The following TTC17 variants were observed in gnomAD, a reference collection of about 807,000 sequenced individuals.
The protein encoded by TTC17 is tetratricopeptide repeat domain 17.
In TTC17, 58 loss-of-function variants were observed where a neutral mutation model predicts 143.8. The ratio of observed to expected loss-of-function variants is 0.40; its 90% CI spans 0.33 to 0.50. TTC17 has a LOEUF of 0.50. TTC17 is among the 20% of genes least tolerant of loss of function. The probability of loss-of-function intolerance (pLI) is 0.49; values close to 1 mark genes in which losing one functional copy is unlikely to be tolerated. For missense variants in TTC17, 1,273 were observed against 1,392.5 expected, an observed-to-expected ratio of 0.91 and a Z score of 1.37; for synonymous variants, 501 against 497.8, an observed-to-expected ratio of 1.01 and a Z score of -0.09.
chr11:43,376,619 T>C (rs550114630), intron 1 of TTC17, among the ~76,000 whole-genome samples: 1 of 152,314 alleles, frequency 6.6e-6, no homozygotes, highest in East Asian at 1.9e-4. Context: ...TACAGCAGCC[T>C]CTTTTCAATG....
At chr11:43,446,675 T>C in intron 18 of TTC17, 5 of 985,184 alleles carry the variant, frequency 5.1e-6, no homozygotes, top group Non-Finnish European at 6.0e-6. Flanking sequence ...CAAACAGTTT[T>C]CTACTGTTCG....
chr11:43,393,785 G>A (rs1041374797), intron 5 of TTC17, among the ~76,000 whole-genome samples: 7 of 152,170 alleles, frequency 4.6e-5, no homozygotes, highest in African/African-American at 1.7e-4. Flanking sequence ...AGGTTTGTGT[G>A]TCAGGAACTA....
chr11:43,414,452 G>A, intron 15 of TTC17, 138 bp from the exon 16 acceptor site: 1 of 815,436 alleles, frequency 1.2e-6, no homozygotes, highest in Non-Finnish European at 1.9e-6. Context: ...GAATTGGCTG[G>A]TATGAATAAA....
intron 21 of TTC17, among the ~76,000 whole-genome samples, chr11:43,466,222 C>T (rs761352652): frequency 3.9e-5 from 6 of 152,080 alleles, no homozygotes; most frequent in East Asian, 1.9e-4. Flanking sequence ...CAAACCACAA[C>T]GAGATATCAT....
chr11:43,445,787 T>C (rs1285199102), intron 18 of TTC17: 1 of 596,934 alleles, frequency 1.7e-6, no homozygotes, highest in African/African-American at 1.8e-5. Context: ...ATCAGCTTCA[T>C]GATGAATCCT....
At chr11:43,476,580 A>C (rs1948187930) in intron 21 of TTC17, among the ~76,000 whole-genome samples, 2 of 152,194 alleles carry the variant, frequency 1.3e-5, no homozygotes, top group African/African-American at 2.4e-5. Context: ...GCTCAACACC[A>C]CATGGAAGCT....
intron 8 of TTC17, among the ~76,000 whole-genome samples, chr11:43,398,672 A>G (rs1488805478): frequency 1.3e-5 from 2 of 152,210 alleles, no homozygotes; most frequent in East Asian, 3.8e-4. Flanking sequence ...TTGAGGTATA[A>G]TAAGTTAAAA....
At chr11:43,398,899 T>C (rs1466204836) in intron 8 of TTC17, among the ~76,000 whole-genome samples, 2 of 152,246 alleles carry the variant, frequency 1.3e-5, no homozygotes, top group African/African-American at 2.4e-5. Context: ...AGCTTGCTTA[T>C]TCATAACTGG....
intron 21 of TTC17, among the ~76,000 whole-genome samples, chr11:43,471,080 T>G (rs1948083382): frequency 6.6e-6 from 1 of 152,158 alleles, no homozygotes; most frequent in Non-Finnish European, 1.5e-5. Flanking sequence ...AGACTCTATT[T>G]TAGGATTAAA....
At chr11:43,443,183 G>A (rs1947460606) in intron 16 of TTC17, 142 bp from the exon 17 acceptor site, 3 of 952,874 alleles carry the variant, frequency 3.1e-6, no homozygotes, top group Non-Finnish European at 4.5e-6. Context: ...TGAAGATGCT[G>A]AATGGAATTT....
At chr11:43,359,147 C>A (rs758295322) in intron 1 of TTC17, 34 bp downstream of exon 1, 4 of 1,541,808 alleles carry the variant, frequency 2.6e-6, no homozygotes, top group African/African-American at 2.8e-5. Flanking sequence ...CTCCCGTGCC[C>A]GCCCTCGCCC....
At chr11:43,442,059 A>G (rs886730978) in intron 16 of TTC17, among the ~76,000 whole-genome samples, 1 of 152,170 alleles carries the variant, frequency 6.6e-6, no homozygotes, top group African/African-American at 2.4e-5. Flanking sequence ...CTCCCGCGTT[A>G]TATTGTGTAG....
intron 1 of TTC17, among the ~76,000 whole-genome samples, chr11:43,368,253 T>C (rs566886438): frequency 1.3e-5 from 2 of 152,324 alleles, no homozygotes; most frequent in East Asian, 1.9e-4. Context: ...GTACCATTTA[T>C]ATTCTAAAGA....
rs1947247541 is a variant in TTC17, at chr11:43,434,767, C to T, written c.2252-8558C>T. Among the ~76,000 whole-genome samples, 6 of 152,288 alleles carry T rather than the reference C, an allele frequency of 3.9e-5. No homozygotes were observed. In the South Asian group the frequency reaches 1.2e-3, roughly 32 times the overall value. ...TTTGTCGATTTCTTGAGAGCTAAAA[C>T]TCTTAAAACAAAGAATCCTCAATTT... On this transcript the variant is annotated intron_variant, in intron 16 of 23. Transcript: ENST00000039989.
In TTC17 at chr11:43,425,796, T is replaced by C. The variant is rs528302588; in HGVS notation, c.2251+11020T>C. ...ATCTGTTACTAACCAGCAAAGTATA[T>C]TTAATTATTATCTCAAAGATGCAGG... is the stretch of plus-strand genomic sequence containing the variant. On this transcript the variant is annotated intron_variant, in intron 16 of 23. Transcript: ENST00000039989. Among the ~76,000 whole-genome samples the C allele has an allele frequency of 9.2e-5, 14 of 152,334 alleles. No individual in the cohort carries two copies. In the East Asian group the frequency reaches 2.5e-3, roughly 27 times the overall value.
chr11:43,464,308 C>G (rs1947929247), intron 21 of TTC17, among the ~76,000 whole-genome samples: 1 of 151,792 alleles, frequency 6.6e-6, no homozygotes, highest in Admixed American at 6.6e-5. Context: ...ACATCCATTC[C>G]TTCTACTACA....
intron 16 of TTC17, among the ~76,000 whole-genome samples, chr11:43,419,564 A>G (rs1156385204): frequency 6.6e-6 from 1 of 152,246 alleles, no homozygotes; most frequent in East Asian, 1.9e-4. Context: ...TGGATTATCC[A>G]GCATATATAC....
In TTC17 at chr11:43,400,015, C is replaced by T; in HGVS notation, c.1186C>T (p.His396Tyr). The change falls in exon 9 of 24, where the codon CAT becomes TAT. Residue 396 changes from histidine to tyrosine, a missense_variant. Transcript: ENST00000039989. ...GGAGCAAATCTTAAGAAATATCATT[C>T]ATGAGACTCAGATGGCAAAAGAGGC... ...QEEQILRNII[H>Y]ETQMAKEAQL... is the part of the protein sequence containing the mutation. The T allele has an allele frequency of 6.2e-7, 1 of 1,613,636 alleles. No individual in the cohort carries two copies. Among genetic ancestry groups the T allele is most frequent in the Non-Finnish European group, 8.5e-7 (1 of 1,179,796 alleles).
chr11:43,379,848 A>G (rs981201549), intron 2 of TTC17, among the ~76,000 whole-genome samples: 8 of 152,172 alleles, frequency 5.3e-5, no homozygotes, highest in Non-Finnish European at 1.2e-4. Flanking sequence ...ACTTTTTTTA[A>G]TAAACATCAG....
Sources: allele counts gnomAD v4.1 joint callset (sites outside exome capture counted in the v4.1 genomes callset), GRCh38; gene constraint gnomAD v4.1.1; transcripts MANE v1.5; gene names NCBI Gene and HGNC (gene_info 2026-07-23, HGNC 2026-07-21).